The following ITSN1 variants were observed in gnomAD, a reference collection of about 807,000 sequenced individuals.
The protein encoded by ITSN1 is intersectin-1.
ITSN1 carries 58 observed loss-of-function variants against 239.8 expected under a neutral mutation model. That is an observed-to-expected ratio of 0.24 (90% CI 0.20 to 0.30). ITSN1 has a LOEUF of 0.30. Among genes scored for constraint, ITSN1 ranks in the 10% least tolerant of loss-of-function variants. ITSN1 has a pLI of 1.00. For synonymous variants in ITSN1, 780 were observed against 770.8 expected (o/e 1.01, Z -0.20); for missense variants, 1,558 against 2,103.3 (o/e 0.74, Z 5.07).
intron 8 of ITSN1, among the ~76,000 whole-genome samples, chr21:33,756,557 G>T (rs2067933274): frequency 6.6e-6 from 1 of 152,062 alleles, no homozygotes; most frequent in African/African-American, 2.4e-5. Context: ...AAGAAAAAAG[G>T]TATCTTATGT....
At chr21:33,862,252 T>TA (rs1432242164) in intron 31 of ITSN1, among the ~76,000 whole-genome samples, 1 of 151,250 alleles carries the variant, frequency 6.6e-6, no homozygotes, top group African/African-American at 2.4e-5. Flanking sequence ...AACTGTTTTT[T>TA]ATCAAGAGGC....
chr21:33,711,426 A>T (rs1194848197), intron 1 of ITSN1, among the ~76,000 whole-genome samples: 1 of 151,642 alleles, frequency 6.6e-6, no homozygotes, highest in Non-Finnish European at 1.5e-5. Flanking sequence ...CTGTTGGTTT[A>T]CATTTCTTTT....
chr21:33,708,465 AGCAACTTC>A (rs1220740500), intron 1 of ITSN1, among the ~76,000 whole-genome samples: 3 of 151,610 alleles, frequency 2.0e-5, no homozygotes, highest in Non-Finnish European at 4.4e-5. Context: ...CTCGGCTCAC[AGCAACTTC>A]GCCTCCCAGG....
chr21:33,743,689 T>C (rs753805931), intron 5 of ITSN1, among the ~76,000 whole-genome samples: 1 of 152,172 alleles, frequency 6.6e-6, no homozygotes, highest in Non-Finnish European at 1.5e-5. Context: ...AGAATATCAA[T>C]CTAAAAAGTC....
At chr21:33,725,059 C>A (rs1326406148) in intron 4 of ITSN1, among the ~76,000 whole-genome samples, 1 of 148,356 alleles carries the variant, frequency 6.7e-6, no homozygotes, top group Non-Finnish European at 1.5e-5. Context: ...CGCTTGCGCC[C>A]AGGAGTTTGA....
chr21:33,875,281 C>A, intron 33 of ITSN1, 73 bp from the exon 34 acceptor site: 1 of 1,553,824 alleles, frequency 6.4e-7, no homozygotes, highest in South Asian at 1.1e-5. Flanking sequence ...TGGGCCTGGT[C>A]CTGCAGGACC....
chr21:33,800,811 A>G (rs1029552390), intron 19 of ITSN1, among the ~76,000 whole-genome samples: 4 of 150,308 alleles, frequency 2.7e-5, no homozygotes, highest in Admixed American at 2.7e-4. Context: ...AAGATAATTT[A>G]GATTTTTTTT....
intron 1 of ITSN1, among the ~76,000 whole-genome samples, chr21:33,663,134 T>G (rs1028410950): frequency 1.3e-5 from 2 of 152,256 alleles, no homozygotes; most frequent in South Asian, 4.1e-4. Context: ...GGATATATAC[T>G]GAAGTTCCCT....
At chr21:33,770,835 C>T (rs1004716584) in intron 11 of ITSN1, among the ~76,000 whole-genome samples, 3 of 146,786 alleles carry the variant, frequency 2.0e-5, no homozygotes, top group African/African-American at 5.1e-5. Context: ...GCAATCTTGT[C>T]TCACTGCAAC....
chr21:33,702,993 C>G (rs2092091223), intron 1 of ITSN1, among the ~76,000 whole-genome samples: 1 of 151,858 alleles, frequency 6.6e-6, no homozygotes, highest in African/African-American at 2.4e-5. Flanking sequence ...GGAAAAATCG[C>G]TTGAACTTGG....
intron 1 of ITSN1, among the ~76,000 whole-genome samples, chr21:33,691,942 C>G (rs529700457): frequency 2.6e-4 from 40 of 152,362 alleles, no homozygotes; most frequent in African/African-American, 8.7e-4. Flanking sequence ...ACATTTGGTC[C>G]ATGGCACTGA....
At chr21:33,813,178 CTTTTA>C (rs1176847010) in intron 21 of ITSN1, among the ~76,000 whole-genome samples, 1 of 151,562 alleles carries the variant, frequency 6.6e-6, no homozygotes, top group Non-Finnish European at 1.5e-5. Context: ...CCTCCTTGTT[CTTTTA>C]TTTATTTTTC....
intron 24 of ITSN1, among the ~76,000 whole-genome samples, chr21:33,820,299 A>G (rs1315285980): frequency 1.3e-5 from 2 of 152,228 alleles, no homozygotes; most frequent in African/African-American, 4.8e-5. Flanking sequence ...TTTACATTCA[A>G]TACAGCCATC....
chr21:33,877,801 C>T (rs377506105), intron 34 of ITSN1, among the ~76,000 whole-genome samples: 15 of 151,362 alleles, frequency 9.9e-5, no homozygotes, highest in East Asian at 3.9e-4. Flanking sequence ...TCAGCCTCTG[C>T]AAATTTCTTA....
intron 1 of ITSN1, among the ~76,000 whole-genome samples, chr21:33,702,058 ACTCT>A (rs2092035483): frequency 1.3e-5 from 2 of 149,822 alleles, no homozygotes; most frequent in Non-Finnish European, 3.0e-5. Flanking sequence ...AAAGAGCGAA[ACTCT>A]CTCTCAAAAA....
intron 15 of ITSN1, 48 bp from the exon 16 acceptor site, chr21:33,781,946 A>G: frequency 1.3e-6 from 2 of 1,506,794 alleles, no homozygotes; most frequent in Non-Finnish European, 9.0e-7. Flanking sequence ...CATTTTCCTC[A>G]CTGCAAATTA....
rs1981312883 is a variant in ITSN1, at chr21:33,865,013, T to C, written c.3891-138T>C. The C allele has an allele frequency of 2.7e-6, 2 of 733,222 alleles. No individual in the cohort carries two copies. Among genetic ancestry groups the C allele is most frequent in the African/African-American group, 3.6e-5 (2 of 55,342 alleles). 45.4% of individuals were successfully genotyped at this position (733,222 alleles called of 1,614,324 possible). A position where few individuals can be genotyped will look rare whatever the true frequency, so the allele number is the denominator to read the frequency against. On this transcript the variant is annotated intron_variant, in intron 31 of 39. Transcript: ENST00000381318. This position sits in a 1 kb window ranked among gnomAD's most constrained non-coding sequence, Gnocchi z 4.4. ...CTAGACTCATTTCTTTCTCCATTCC[T>C]TGTCTCCCAAATAGATCCTTTAGTG...
chr21:33,725,120 A>AATTTT (rs1491495347), intron 4 of ITSN1, among the ~76,000 whole-genome samples: 1 of 118,774 alleles, frequency 8.4e-6, no homozygotes, highest in African/African-American at 3.4e-5. Flanking sequence ...AAAAAAAAAA[A>AATTTT]TTTTTTTTTT....
At chr21:33,718,758 A>T in intron 1 of ITSN1, 39 bp from the exon 2 acceptor site, 1 of 1,313,504 alleles carries the variant, frequency 7.6e-7, no homozygotes, top group Non-Finnish European at 1.1e-6. Context: ...TACAGGAATT[A>T]AGTTTTCATA....
Sources: gnomAD v4.1 joint callset for allele counts (sites outside exome capture counted in the v4.1 genomes callset) on GRCh38, gnomAD v4.1.1 for gene constraint, Gnocchi (gnomAD v3.1) non-coding constraint, MANE v1.5 for transcripts, NCBI Gene and HGNC (gene_info 2026-07-23, HGNC 2026-07-21) for gene names.